TASP1: variants seen among roughly 807,000 people sequenced by gnomAD.
TASP1 encodes threonine aspartase 1.
Under a neutral mutation model 56.6 loss-of-function variants are expected in TASP1, and 16 were observed. The ratio of observed to expected loss-of-function variants is 0.28; its 90% CI spans 0.19 to 0.43. The LOEUF is 0.43. Ranked by LOEUF, TASP1 falls within the 20% of genes least tolerant of loss-of-function variation. TASP1 has a pLI of 1.00. For synonymous variants in TASP1, 179 were observed against 184.2 expected, an observed-to-expected ratio of 0.97 and a Z score of 0.23; for missense variants, 393 against 511.6, an observed-to-expected ratio of 0.77 and a Z score of 2.24.
intron 4 of TASP1, among the ~76,000 whole-genome samples, chr20:13,594,548 A>G (rs2047657204): frequency 6.6e-6 from 1 of 152,232 alleles, no homozygotes; most frequent in Admixed American, 6.5e-5. Flanking sequence ...GATGGAGCTG[A>G]AAACCATGGC....
intron 13 of TASP1, among the ~76,000 whole-genome samples, chr20:13,406,201 T>C (rs1377392841): frequency 6.6e-6 from 1 of 152,234 alleles, no homozygotes; most frequent in Non-Finnish European, 1.5e-5. Flanking sequence ...AACTTGTCAA[T>C]TTCTTATTTA....
At chr20:13,499,247 G>C (rs993209136) in intron 10 of TASP1, among the ~76,000 whole-genome samples, 1 of 151,974 alleles carries the variant, frequency 6.6e-6, no homozygotes, top group South Asian at 2.1e-4. Flanking sequence ...CCTATAAATG[G>C]GAGCTAAACA....
chr20:13,158,561 C>A, the TASP1 span, among the ~76,000 whole-genome samples: 2 of 152,138 alleles, frequency 1.3e-5, no homozygotes, highest in Non-Finnish European at 2.9e-5. Flanking sequence ...GTTTCTCAGA[C>A]AATTATGAGC....
intron 13 of TASP1, among the ~76,000 whole-genome samples, chr20:13,406,902 G>A (rs984750134): frequency 6.6e-6 from 1 of 152,012 alleles, no homozygotes; most frequent in African/African-American, 2.4e-5. Context: ...TCCTGACCTG[G>A]TGATCTGCCC....
intron 11 of TASP1, among the ~76,000 whole-genome samples, chr20:13,438,833 A>C (rs1361592223): frequency 2.6e-5 from 4 of 152,206 alleles, no homozygotes; most frequent in African/African-American, 4.8e-5. Context: ...ACCCCATCAA[A>C]AAGTGGGCAA....
chr20:13,180,090 C>T, the TASP1 span, among the ~76,000 whole-genome samples: 1 of 152,164 alleles, frequency 6.6e-6, no homozygotes, highest in African/African-American at 2.4e-5. Context: ...GGTCAACAGT[C>T]ATTCATGAGG....
At chr20:13,560,702 C>G (rs1415523898) in intron 7 of TASP1, among the ~76,000 whole-genome samples, 1 of 152,110 alleles carries the variant, frequency 6.6e-6, no homozygotes, top group Non-Finnish European at 1.5e-5. Context: ...CTCTGAGAAA[C>G]TTTTGGTCTC....
At chr20:13,424,113 C>T (rs2042541931) in intron 12 of TASP1, among the ~76,000 whole-genome samples, 1 of 152,158 alleles carries the variant, frequency 6.6e-6, no homozygotes, top group Non-Finnish European at 1.5e-5. Flanking sequence ...TGACAACTTC[C>T]TCAAGCTGCT....
chr20:13,220,316 A>C, the TASP1 span, among the ~76,000 whole-genome samples: 1 of 152,206 alleles, frequency 6.6e-6, no homozygotes, highest in Non-Finnish European at 1.5e-5. Flanking sequence ...TCGCTCTAGC[A>C]TCTGACGCTC....
chr20:13,360,751 A>G, the TASP1 span, among the ~76,000 whole-genome samples: 1 of 151,444 alleles, frequency 6.6e-6, no homozygotes, highest in African/African-American at 2.4e-5. Flanking sequence ...AGCTGTACTC[A>G]CTCCTTGTTG....
the TASP1 span, among the ~76,000 whole-genome samples, chr20:13,344,055 C>T: frequency 2.4e-4 from 37 of 152,218 alleles, no homozygotes; most frequent in South Asian, 2.7e-3. Flanking sequence ...TTCTCAATTG[C>T]TCCACCCAGA....
intron 4 of TASP1, among the ~76,000 whole-genome samples, chr20:13,610,706 G>A (rs936460584): frequency 2.6e-5 from 4 of 151,638 alleles, no homozygotes; most frequent in African/African-American, 4.9e-5. Context: ...TTTTTTTAAA[G>A]AGTCAAAGAA....
chr20:13,504,758 C>T (rs2044068470), intron 10 of TASP1, among the ~76,000 whole-genome samples: 2 of 151,950 alleles, frequency 1.3e-5, no homozygotes, highest in Non-Finnish European at 2.9e-5. Flanking sequence ...CATATCTAAT[C>T]AAAGTTAGCT....
chr20:13,216,867 C>T, the TASP1 span, among the ~76,000 whole-genome samples: 1 of 152,090 alleles, frequency 6.6e-6, no homozygotes, highest in African/African-American at 2.4e-5. Context: ...AGATCATGAA[C>T]AGGAAGTTTT....
chr20:13,293,503 C>CT, the TASP1 span, among the ~76,000 whole-genome samples: 3,374 of 146,470 alleles, frequency 0.023, 117 homozygotes, highest in African/African-American at 0.075. Flanking sequence ...AGTCCTGAGT[C>CT]TTTTTTTTTT....
chr20:13,629,805 G>A (rs984488408), intron 2 of TASP1, 129 bp downstream of exon 2: 27 of 1,372,292 alleles, frequency 2.0e-5, no homozygotes, highest in African/African-American at 7.3e-5. Context: ...TCAAACAATC[G>A]CTTTGCTTCC....
At chr20:13,484,536 G>T (rs900828502) in intron 10 of TASP1, among the ~76,000 whole-genome samples, 2 of 152,062 alleles carry the variant, frequency 1.3e-5, no homozygotes, top group Non-Finnish European at 2.9e-5. Flanking sequence ...AGGAGCTTGA[G>T]ACCAGCCTGG....
At chr20:13,426,240 T>C (rs767814347) in intron 12 of TASP1, among the ~76,000 whole-genome samples, 2 of 152,194 alleles carry the variant, frequency 1.3e-5, no homozygotes, top group African/African-American at 2.4e-5. Flanking sequence ...TAAAACAAGT[T>C]TTATTAAAAC....
intron 8 of TASP1, among the ~76,000 whole-genome samples, chr20:13,539,431 T>C (rs113788481): frequency 7.9e-5 from 12 of 152,210 alleles, no homozygotes; most frequent in African/African-American, 2.9e-4. Flanking sequence ...ACACCTGTAG[T>C]CTGAGCTACT....
Sources: allele counts gnomAD v4.1 joint callset (sites outside exome capture counted in the v4.1 genomes callset), GRCh38; gene constraint gnomAD v4.1.1; transcripts MANE v1.5; gene names NCBI Gene and HGNC (gene_info 2026-07-23, HGNC 2026-07-21).